Variants in CAMSAP1 observed in about 807,000 individuals in gnomAD.
The protein encoded by CAMSAP1 is calmodulin regulated spectrin associated protein 1, also known as calmodulin-regulated spectrin-associated protein 1.
In CAMSAP1, 58 loss-of-function variants were observed where a neutral mutation model predicts 143.5. The ratio of observed to expected loss-of-function variants is 0.40; its 90% CI spans 0.33 to 0.50. CAMSAP1 has a LOEUF of 0.50. Among genes scored for constraint, CAMSAP1 ranks in the 20% least tolerant of loss-of-function variants. The probability of loss-of-function intolerance (pLI) is 0.45; values close to 1 mark genes in which losing one functional copy is unlikely to be tolerated. For missense variants in CAMSAP1, 1,969 were observed against 2,115.7 expected (o/e 0.93, Z 1.36); for synonymous variants, 945 against 859.3 (o/e 1.10, Z -1.74).
intron 1 of CAMSAP1, among the ~76,000 whole-genome samples, chr9:135,884,519 G>C (rs1838062172): frequency 6.6e-6 from 1 of 152,140 alleles, no homozygotes; most frequent in Non-Finnish European, 1.5e-5. Context: ...CAGCATTTTT[G>C]TTTTAAGCAT....
intron 1 of CAMSAP1, among the ~76,000 whole-genome samples, chr9:135,906,266 C>CT (rs1172505946): frequency 6.6e-6 from 1 of 152,198 alleles, no homozygotes; most frequent in Non-Finnish European, 1.5e-5. Flanking sequence ...TTTAAGAATG[C>CT]TTCAAATGAA....
chr9:135,829,850 CATAAATAA>C lies in CAMSAP1; in HGVS notation c.1046-2274_1046-2267del, dbSNP rs10625345. Among the ~76,000 whole-genome samples, 798 of 142,780 alleles carry C rather than the reference CATAAATAA, an allele frequency of 5.6e-3. 4 individuals carry two copies. Among genetic ancestry groups the C allele is most frequent in the Middle Eastern group, 0.024 (7 of 288 alleles). 93.7% of individuals were successfully genotyped at this position (142,780 alleles called of 152,430 possible). On this transcript the variant is annotated intron_variant, in intron 7 of 16. Transcript: ENST00000389532. ...CCTGGGCGACAGAGCGAGACTCTGT[CATAAATAA>C]ATAAATAAATAAATAAATAAATAAA...
At chr9:135,836,828 C>A in intron 7 of CAMSAP1, 1 of 984,194 alleles carries the variant, frequency 1.0e-6, no homozygotes, top group Non-Finnish European at 1.2e-6. Flanking sequence ...GACATGTCAC[C>A]ACACACTTCT....
chr9:135,853,856 G>T (rs1836861981), intron 5 of CAMSAP1, among the ~76,000 whole-genome samples: 1 of 152,236 alleles, frequency 6.6e-6, no homozygotes, highest in South Asian at 2.1e-4. Context: ...CAGCCTATGA[G>T]GTCCAATCAA....
intron 5 of CAMSAP1, among the ~76,000 whole-genome samples, chr9:135,860,891 A>G (rs1837163978): frequency 6.6e-6 from 1 of 152,216 alleles, no homozygotes; most frequent in Non-Finnish European, 1.5e-5. Context: ...GTCCCTGCAC[A>G]GCCAAGCTGT....
At position 135,818,874 on chromosome 9, in the gene CAMSAP1, T is replaced by C. The variant is rs919490719; in HGVS notation, c.3959+136A>G. On this transcript the variant is annotated intron_variant, in intron 12 of 16. Coordinates refer to ENST00000389532, the MANE Select transcript of CAMSAP1 (RefSeq NM_015447.4). This position sits in a 1 kb window ranked among gnomAD's most constrained non-coding sequence, Gnocchi z 7.7. ...CAGGGGCCGTGAAAGTTCGGGGAGG[T>C]GGTCCATGGGAGGAGTAAGACCGTC... 2.2e-6 allele frequency: 3 copies of C among 1,360,090 alleles called. No homozygotes were observed. The African/African-American group carries it at 4.4e-5, about 20-fold the overall frequency. The allele number at this position is 1,360,090 out of a possible 1,614,324, so 84.3% of individuals were successfully genotyped here. A position where few individuals can be genotyped will look rare whatever the true frequency, so the allele number is the denominator to read the frequency against.
Position 135,818,315 on chromosome 9 carries a change from C to T in CAMSAP1, c.4168+93G>A. On this transcript the variant is annotated intron_variant, in intron 13 of 16. Transcript: ENST00000389532. The surrounding 1 kb of genome is among the most constrained non-coding windows in gnomAD (Gnocchi z 7.7). ...CATCTCCACCCTTCCCGCCTCACAC[C>T]ACTCTTGATGACAAAATTGAAATGA... 2.2e-6 allele frequency: 3 copies of T among 1,363,400 alleles called. No individual in the cohort carries two copies. Among genetic ancestry groups the T allele is most frequent in the South Asian group, 2.8e-5 (2 of 71,784 alleles). The allele number at this position is 1,363,400 out of a possible 1,614,324, so 84.5% of individuals were successfully genotyped here.
intron 3 of CAMSAP1, among the ~76,000 whole-genome samples, chr9:135,868,666 G>T (rs999351598): frequency 7.9e-6 from 1 of 127,268 alleles, no homozygotes; most frequent in African/African-American, 3.1e-5. Flanking sequence ...CGCCCAGGCT[G>T]AAGTGCGGTG....
intron 3 of CAMSAP1, among the ~76,000 whole-genome samples, chr9:135,880,482 G>A (rs181030452): frequency 2.6e-5 from 4 of 152,248 alleles, no homozygotes; most frequent in Admixed American, 2.6e-4. Context: ...AATGTAAGGA[G>A]TCTGCCCATC....
chr9:135,861,700 CA>C (rs200844007), intron 5 of CAMSAP1, among the ~76,000 whole-genome samples: 1,884 of 152,318 alleles, frequency 0.012, 41 homozygotes, highest in Non-Finnish European at 0.012. Flanking sequence ...AGATCAATGC[CA>C]GCTCAATCCA....
At chr9:135,862,723 G>A in intron 4 of CAMSAP1, 115 bp from the exon 5 acceptor site, 1 of 1,089,312 alleles carries the variant, frequency 9.2e-7, no homozygotes, top group Non-Finnish European at 1.3e-6. Context: ...ACAACATGGA[G>A]AACAATTGCA....
At chr9:135,904,211 C>T (rs1432264511) in intron 1 of CAMSAP1, among the ~76,000 whole-genome samples, 3 of 151,750 alleles carry the variant, frequency 2.0e-5, no homozygotes, top group Non-Finnish European at 2.9e-5. Context: ...AAAATAAAAA[C>T]TGTTTAAAGA....
intron 1 of CAMSAP1, among the ~76,000 whole-genome samples, chr9:135,885,804 T>C (rs1366158952): frequency 6.6e-6 from 1 of 152,226 alleles, no homozygotes; most frequent in Non-Finnish European, 1.5e-5. Context: ...ACGCACTTAC[T>C]AAAGATACAA....
In CAMSAP1 at chr9:135,815,947, G is replaced by A. The variant is rs1327833418; in HGVS notation, c.4330C>T (p.Arg1444Ter). The stretch of plus-strand genomic sequence containing the variant: ...GCCGCCGACGCGGTCTCCCAGTCTC[G>A]GTCTGTGCTCCTGCTTGGGTTACGG... ...LSRNPSRSTD[R>*]DWETASAASS... is the part of the protein sequence containing the mutation. The change falls in exon 15 of 17, where the codon CGA (arginine) becomes TGA (stop). Residue 1444 changes from arginine (R) to a stop codon, truncating the protein, a stop_gained. Coordinates refer to ENST00000389532, the MANE Select transcript of CAMSAP1 (RefSeq NM_015447.4). LOFTEE classifies it high-confidence loss of function. 1.9e-6 allele frequency: 3 copies of A among 1,613,732 alleles called. No individual in the cohort carries two copies. Among genetic ancestry groups the A allele is most frequent in the Admixed American group, 3.3e-5 (2 of 60,016 alleles).
At chr9:135,863,042 A>G (rs1837254847) in intron 4 of CAMSAP1, among the ~76,000 whole-genome samples, 1 of 152,216 alleles carries the variant, frequency 6.6e-6, no homozygotes, top group South Asian at 2.1e-4. Context: ...TTTCTGAGTA[A>G]TATCACTAGC....
chr9:135,859,849 T>C (rs1837114195), intron 5 of CAMSAP1, among the ~76,000 whole-genome samples: 1 of 151,928 alleles, frequency 6.6e-6, no homozygotes, highest in African/African-American at 2.4e-5. Context: ...CCAACAGACA[T>C]ACAGGGCAGG....
chr9:135,862,142 C>A (rs1837215585), intron 5 of CAMSAP1, among the ~76,000 whole-genome samples: 1 of 152,064 alleles, frequency 6.6e-6, no homozygotes, highest in African/African-American at 2.4e-5. Context: ...AGTACCATTT[C>A]TCTCTCCCTC....
Position 135,841,759 on chromosome 9 carries a change from C to T in CAMSAP1, c.1045+8378G>A, listed in dbSNP as rs533288867. On this transcript the variant is annotated intron_variant, in intron 7 of 16. Coordinates refer to ENST00000389532, the MANE Select transcript of CAMSAP1 (RefSeq NM_015447.4). ...CTCCAGCAGACCTGCAGCAGAGGGA[C>T]CTGGCTTTTAGAAGGAAAAGTAACA... Among the ~76,000 whole-genome samples the T allele has an allele frequency of 3.9e-5, 6 of 152,272 alleles. No individual in the cohort carries two copies. In the South Asian group the frequency reaches 1.0e-3, roughly 26 times the overall value.
At position 135,906,991 on chromosome 9, in the gene CAMSAP1, C is replaced by T. The variant is rs1838804502; in HGVS notation, c.160+9G>A. ...CTGGCCCCCGCCCCGCGCCCCTCAC[C>T]CGGCCCACCTCGGCCGTAGGCCTTG... On this transcript the variant is annotated intron_variant, in intron 1 of 16. Transcript: ENST00000389532. 2.8e-6 allele frequency: 3 copies of T among 1,085,756 alleles called. No homozygotes were observed. The highest frequency in any genetic ancestry group is 3.4e-5 in the African/African-American group (2 of 58,732). The allele number at this position is 1,085,756 out of a possible 1,614,324, so 67.3% of individuals were successfully genotyped here. A position where few individuals can be genotyped will look rare whatever the true frequency, so the allele number is the denominator to read the frequency against.
Sources: allele counts gnomAD v4.1 joint callset (sites outside exome capture counted in the v4.1 genomes callset), GRCh38; gene constraint gnomAD v4.1.1; non-coding constraint Gnocchi (gnomAD v3.1); transcripts MANE v1.5; gene names NCBI Gene and HGNC (gene_info 2026-07-23, HGNC 2026-07-21).